NHSL2: variants seen among roughly 807,000 people sequenced by gnomAD.
NHSL2 encodes NHS-like protein 2.
In NHSL2, 27 loss-of-function variants were observed where a neutral mutation model predicts 53.4. The observed-to-expected ratio is 0.51, with a 90% CI of 0.37 to 0.70. The LOEUF (loss-of-function observed/expected upper bound fraction) is 0.70, where lower values mean the gene tolerates loss of function less well. Among genes scored for constraint, NHSL2 ranks in the 30% least tolerant of loss-of-function variants. NHSL2 has a pLI of 0.00. For missense variants in NHSL2, 892 were observed against 980.1 expected, an observed-to-expected ratio of 0.91 and a Z score of 1.20; for synonymous variants, 408 against 404.1, an observed-to-expected ratio of 1.01 and a Z score of -0.12.
chrX:72,041,165 T>C (rs1171330701), intron 1 of NHSL2, among the ~76,000 whole-genome samples: 1 of 111,700 alleles, frequency 9.0e-6, no homozygotes, highest in East Asian at 2.8e-4. Context: ...AAGGCGAATA[T>C]GGAAGTCTGT....
chrX:72,068,476 G>A (rs2042444621), intron 1 of NHSL2, among the ~76,000 whole-genome samples: 1 of 112,258 alleles, frequency 8.9e-6, no homozygotes, highest in African/African-American at 3.2e-5. Context: ...ACTCGCCTGA[G>A]TGAAGGCACT....
At position 72,145,982 on chromosome X, in the gene NHSL2, G is replaced by A. The variant is rs947244776; in HGVS notation, c.*2408G>A. 1 of 112,832 alleles carries A rather than the reference G, an allele frequency of 8.9e-6. No individual in the cohort carries two copies. Among genetic ancestry groups the A allele is most frequent in the Non-Finnish European group, 1.9e-5 (1 of 53,375 alleles). 9.3% of individuals were successfully genotyped at this position (112,832 alleles called of 1,213,427 possible). A position where few individuals can be genotyped will look rare whatever the true frequency, so the allele number is the denominator to read the frequency against. Reference sequence around the variant, plus strand: ...CATCATCACTGTGGCCCACGCAGTGGTGTTCCCATTAGCACAAGAGGATTT... The same window carrying A: ...CATCATCACTGTGGCCCACGCAGTGATGTTCCCATTAGCACAAGAGGATTT... On this transcript the variant is annotated 3_prime_UTR_variant, in exon 8 of 8. Transcript: ENST00000633930.
intron 1 of NHSL2, among the ~76,000 whole-genome samples, chrX:72,084,319 GC>G (rs983680473): frequency 5.3e-5 from 6 of 112,472 alleles, no homozygotes; most frequent in African/African-American, 1.9e-4. Context: ...CCAAGCCAGA[GC>G]CTGCACAGGC....
intron 1 of NHSL2, among the ~76,000 whole-genome samples, chrX:72,082,846 G>A (rs887531535): frequency 8.9e-6 from 1 of 112,478 alleles, no homozygotes; most frequent in Non-Finnish European, 1.9e-5. Context: ...TGATATCTCT[G>A]ATGGTGCCCC....
chrX:72,071,133 C>T (rs1367540235), intron 1 of NHSL2, among the ~76,000 whole-genome samples: 2 of 110,666 alleles, frequency 1.8e-5, no homozygotes, highest in African/African-American at 6.6e-5. Flanking sequence ...TTCTGGAGCC[C>T]GCCTGTCAGA....
chrX:72,101,038 C>CT (rs1210122586), intron 1 of NHSL2, among the ~76,000 whole-genome samples: 1,092 of 95,468 alleles, frequency 0.011, 17 homozygotes, highest in African/African-American at 0.03. Context: ...TGCCTGTTTC[C>CT]TTTTTTTTTT....
At chrX:72,133,975 G>A in intron 2 of NHSL2, 116 bp from the exon 3 acceptor site, 2 of 767,656 alleles carry the variant, frequency 2.6e-6, no homozygotes, top group Non-Finnish European at 1.9e-6. Flanking sequence ...ATAGCCTAAA[G>A]AAAATGCAAG....
intron 1 of NHSL2, among the ~76,000 whole-genome samples, chrX:71,984,652 C>G (rs959059308): frequency 1.8e-5 from 2 of 112,127 alleles, no homozygotes; most frequent in African/African-American, 6.5e-5. Context: ...TACCACAATT[C>G]TTGAAACATA....
At chrX:72,142,116 CT>C in intron 6 of NHSL2, 115 bp from the exon 7 acceptor site, 1 of 512,829 alleles carries the variant, frequency 1.9e-6, no homozygotes, top group Non-Finnish European at 3.1e-6. Flanking sequence ...TATTAAAAAT[CT>C]CCACCCTGCT....
At position 72,145,278 on chromosome X, in the gene NHSL2, A is replaced by G. The variant is rs1200077463; in HGVS notation, c.*1704A>G. On this transcript the variant is annotated 3_prime_UTR_variant, in exon 8 of 8. Transcript: ENST00000633930. ...GCTCAACTGCCCACACTCCAGCTGG[A>G]CAGAGCAGCTGAAAAACCACACTAA... 3 of 111,974 alleles carry G rather than the reference A, an allele frequency of 2.7e-5. No individual in the cohort carries two copies. In the East Asian group the frequency reaches 8.4e-4, roughly 31 times the overall value. 9.2% of individuals were successfully genotyped at this position (111,974 alleles called of 1,213,427 possible).
At chrX:71,947,457 A>G (rs776213351) in intron 1 of NHSL2, among the ~76,000 whole-genome samples, 5 of 112,645 alleles carry the variant, frequency 4.4e-5, no homozygotes, top group Non-Finnish European at 9.4e-5. Flanking sequence ...TGTGCTATAC[A>G]ACAGATTGTG....
At chrX:72,026,393 T>C (rs1189456661) in intron 1 of NHSL2, among the ~76,000 whole-genome samples, 2 of 112,303 alleles carry the variant, frequency 1.8e-5, no homozygotes. Context: ...GTGCTGCTCT[T>C]TGGGGACAAC....
intron 1 of NHSL2, among the ~76,000 whole-genome samples, chrX:72,026,262 A>T (rs1402770907): frequency 8.9e-6 from 1 of 111,762 alleles, no homozygotes; most frequent in Non-Finnish European, 1.9e-5. Flanking sequence ...CTCATCCCAG[A>T]CTATTGGAAT....
intron 1 of NHSL2, among the ~76,000 whole-genome samples, chrX:72,087,319 G>A (rs1333966898): frequency 1.8e-5 from 2 of 112,253 alleles, no homozygotes; most frequent in Admixed American, 9.4e-5. Context: ...AATTCAGAGA[G>A]ACAGAAAGTT....
chrX:71,991,812 T>TC, intron 1 of NHSL2, among the ~76,000 whole-genome samples: 1 of 42,407 alleles, frequency 2.4e-5, no homozygotes, highest in East Asian at 7.8e-4. Context: ...CTGTGTGTCT[T>TC]TCTCTTTCTC....
At chrX:72,020,398 A>C (rs936712603) in intron 1 of NHSL2, among the ~76,000 whole-genome samples, 2 of 112,570 alleles carry the variant, frequency 1.8e-5, no homozygotes, top group Non-Finnish European at 3.8e-5. Flanking sequence ...CAAAACTCTG[A>C]CTCTTTAACC....
intron 1 of NHSL2, among the ~76,000 whole-genome samples, chrX:72,031,113 G>A (rs1217217263): frequency 4.5e-5 from 5 of 112,249 alleles, no homozygotes; most frequent in Non-Finnish European, 7.5e-5. Flanking sequence ...AGAGGCGGAC[G>A]TGTGAAGGTA....
intron 1 of NHSL2, among the ~76,000 whole-genome samples, chrX:72,042,587 A>G (rs1157498099): frequency 9.0e-6 from 1 of 110,960 alleles, no homozygotes. Context: ...CTGGGGTGTA[A>G]GGGCTAGACT....
At chrX:72,055,038 C>T (rs1201170790) in intron 1 of NHSL2, among the ~76,000 whole-genome samples, 1 of 111,816 alleles carries the variant, frequency 8.9e-6, no homozygotes, top group Admixed American at 9.5e-5. Context: ...TAACCCCCTT[C>T]TTTAGCAAGC....
Sources: allele counts gnomAD v4.1 joint callset (sites outside exome capture counted in the v4.1 genomes callset), GRCh38; gene constraint gnomAD v4.1.1; transcripts MANE v1.5; gene names NCBI Gene and HGNC (gene_info 2026-07-23, HGNC 2026-07-21).